The following C6 variants were observed in gnomAD, a reference collection of about 807,000 sequenced individuals.
C6 encodes the protein complement C6.
In C6, 101 loss-of-function variants were observed where a neutral mutation model predicts 112.9. That is an observed-to-expected ratio of 0.89 (90% CI 0.76 to 1.06). The LOEUF is 1.06. Ranked by LOEUF, C6 falls within the 50% of genes least tolerant of loss-of-function variation. The pLI, the probability that C6 is intolerant of heterozygous loss-of-function variation, is 0.00. For synonymous variants in C6, 431 were observed against 384.1 expected (o/e 1.12, Z -1.43); for missense variants, 1,202 against 1,104.6 (o/e 1.09, Z -1.25).
At chr5:41,160,039 T>C (rs1747323900) in intron 11 of C6, 103 bp downstream of exon 11, 1 of 876,470 alleles carries the variant, frequency 1.1e-6, no homozygotes, top group African/African-American at 1.6e-5. Flanking sequence ...CTGTACAAGG[T>C]GGAGGTTGCT....
rs752531730 is a variant in C6 at position 41,142,987 on chromosome 5, G to A, written c.2643C>T (p.Val881=). The A allele has an allele frequency of 8.1e-6, 13 of 1,613,228 alleles. No homozygotes were observed. The South Asian group carries it at 1.2e-4, about 15-fold the overall frequency. The change falls in exon 18 of 18, where the codon GTC becomes GTT. Residue 881 remains valine (V), a synonymous_variant. Coordinates refer to ENST00000337836, the MANE Select transcript of C6 (RefSeq NM_000065.5). ...EKCSASTSKC[V]CLLPPQCFKG... ...TGAAGCACTGTGGGGGCAATAGGCA[G>A]ACACATTTGGAAGTGGAGGCTGTAA...
At chr5:41,160,433 C>T in intron 10 of C6, 66 bp from the exon 11 acceptor site, 1 of 1,226,890 alleles carries the variant, frequency 8.2e-7, no homozygotes, top group South Asian at 1.2e-5. Flanking sequence ...CCATTACTGC[C>T]CAGTTCTCTG....
chr5:41,158,486 T>C (rs1046861677), intron 13 of C6, among the ~76,000 whole-genome samples, 188 bp downstream of exon 13: 2 of 152,194 alleles, frequency 1.3e-5, no homozygotes, highest in Non-Finnish European at 2.9e-5. Context: ...GTCTAACAAC[T>C]GGCTATGAAG....
rs550111473 is a variant in C6, at chr5:41,226,030, A to C, written c.-20-22780T>G. On this transcript the variant is annotated intron_variant, in intron 1 of 17. Transcript: ENST00000263413. ...GAAAACCTAGGTGATACCATTCAGGACATAGGCATGGACAAGGACTTCATG... is the reference window on the plus strand; with the variant it reads ...GAAAACCTAGGTGATACCATTCAGGCCATAGGCATGGACAAGGACTTCATG... Among the ~76,000 whole-genome samples, 5 of 152,314 alleles carry C rather than the reference A, an allele frequency of 3.3e-5. No individual in the cohort carries two copies. In the South Asian group the frequency reaches 1.0e-3, roughly 32 times the overall value.
At chr5:41,181,602 A>T in intron 6 of C6, 43 bp from the exon 7 acceptor site, 1 of 1,457,340 alleles carries the variant, frequency 6.9e-7, no homozygotes, top group Non-Finnish European at 9.5e-7. Flanking sequence ...TTTAGGAAAT[A>T]CTGGAGCGAC....
chr5:41,152,152 G>T (rs1414094056), intron 15 of C6, among the ~76,000 whole-genome samples: 3 of 152,150 alleles, frequency 2.0e-5, no homozygotes, highest in African/African-American at 7.2e-5. Context: ...GTATTCTGAA[G>T]AAAGGGAACA....
At chr5:41,184,132 T>A (rs1368630141) in intron 6 of C6, among the ~76,000 whole-genome samples, 3 of 134,214 alleles carry the variant, frequency 2.2e-5, no homozygotes, top group Non-Finnish European at 3.4e-5. Context: ...AAAATGAAAG[T>A]TGAAAAAGAA....
At chr5:41,177,281 TG>T (rs1455104758) in intron 7 of C6, among the ~76,000 whole-genome samples, 1 of 152,152 alleles carries the variant, frequency 6.6e-6, no homozygotes, top group East Asian at 1.9e-4. Context: ...AATTACTTAG[TG>T]GGTGAAATTA....
At chr5:41,256,012 A>G (rs1224034940) in intron 1 of C6, among the ~76,000 whole-genome samples, 4 of 152,144 alleles carry the variant, frequency 2.6e-5, no homozygotes, top group Non-Finnish European at 4.4e-5. Context: ...GTGAGAGCAA[A>G]TGTCATGTTA....
chr5:41,144,490 C>T (rs540934676), intron 17 of C6, among the ~76,000 whole-genome samples: 18 of 152,172 alleles, frequency 1.2e-4, no homozygotes, highest in Non-Finnish European at 2.5e-4. Flanking sequence ...TAGTCTCAAA[C>T]TCCTGAGCTC....
At chr5:41,218,244 C>A (rs933958897), upstream of C6, among the ~76,000 whole-genome samples, 7 of 152,054 alleles carry the variant, frequency 4.6e-5, no homozygotes, top group African/African-American at 1.7e-4. Flanking sequence ...TCGTAACTTC[C>A]CTTGTTTATG....
Position 41,241,231 on chromosome 5 carries a change from G to T in C6, c.-21+19963C>A, listed in dbSNP as rs117389282. Among the ~76,000 whole-genome samples, 155 of 152,304 alleles carry T rather than the reference G, an allele frequency of 1.0e-3. 4 individuals carry two copies. In the East Asian group the frequency reaches 0.029, roughly 29 times the overall value. ...GAGGCGGGGTGGGGTTCTGCCAGTG[G>T]CAGCCAGTCTAGGTAGGTGGCTCTC... On this transcript the variant is annotated intron_variant, in intron 1 of 17. Transcript: ENST00000263413.
intron 17 of C6, among the ~76,000 whole-genome samples, chr5:41,147,033 A>G (rs1745895231): frequency 6.6e-6 from 1 of 152,158 alleles, no homozygotes; most frequent in African/African-American, 2.4e-5. Context: ...TGACCTATCT[A>G]TTACAGTACA....
chr5:41,156,664 T>A (rs1192430796), intron 13 of C6, among the ~76,000 whole-genome samples: 1 of 152,200 alleles, frequency 6.6e-6, no homozygotes, highest in Non-Finnish European at 1.5e-5. Context: ...TGGTTAAACT[T>A]GTCTCCTAGA....
At chr5:41,146,052 C>T (rs1047494512) in intron 17 of C6, among the ~76,000 whole-genome samples, 3 of 152,124 alleles carry the variant, frequency 2.0e-5, no homozygotes, top group African/African-American at 7.2e-5. Flanking sequence ...CTGACTTGCA[C>T]TAAAGTGATT....
At chr5:41,151,348 T>C (rs749681150) in intron 15 of C6, among the ~76,000 whole-genome samples, 2 of 152,182 alleles carry the variant, frequency 1.3e-5, no homozygotes, top group Non-Finnish European at 2.9e-5. Flanking sequence ...ATGTAAGTTA[T>C]GAGAGCTGTC....
Position 41,153,843 on chromosome 5 carries a change from G to GT in C6, c.2256dup (p.Pro753ThrfsTer10). 1 of 1,613,346 alleles carries GT rather than the reference G, an allele frequency of 6.2e-7. No homozygotes were observed. The highest frequency in any genetic ancestry group is 8.5e-7 in the Non-Finnish European group (1 of 1,179,710). On this transcript the variant is annotated frameshift_variant, in exon 15 of 18. Coordinates refer to ENST00000337836, the MANE Select transcript of C6 (RefSeq NM_000065.5). LOFTEE classifies it high-confidence loss of function. Reference sequence around the variant, plus strand: ...CAGGTGAGAGAGTTTGAAATGGGTGGTGTCCAGGAATTCCCCTGGCATGTG... The same window carrying GT: ...CAGGTGAGAGAGTTTGAAATGGGTGGTTGTCCAGGAATTCCCCTGGCATGTG...
intron 6 of C6, among the ~76,000 whole-genome samples, chr5:41,183,004 T>C (rs1749472690): frequency 6.6e-6 from 1 of 152,246 alleles, no homozygotes. Flanking sequence ...GCTTTGTGGG[T>C]TAACCCAGTG....
chr5:41,209,269 G>A (rs899672796), intron 1 of C6, among the ~76,000 whole-genome samples: 6 of 152,238 alleles, frequency 3.9e-5, no homozygotes, highest in African/African-American at 1.4e-4. Context: ...GTATCATACC[G>A]AATGAGTAAA....
Sources: allele counts gnomAD v4.1 joint callset (sites outside exome capture counted in the v4.1 genomes callset), GRCh38; gene constraint gnomAD v4.1.1; transcripts MANE v1.5; gene names NCBI Gene and HGNC (gene_info 2026-07-23, HGNC 2026-07-21).